ATG10: variants seen among roughly 807,000 people sequenced by gnomAD.
ATG10 encodes the protein autophagy related 10.
A neutral mutation model predicts 32.1 loss-of-function variants in ATG10; 30 were observed. That is an observed-to-expected ratio of 0.94 (90% CI 0.70 to 1.27). The LOEUF (loss-of-function observed/expected upper bound fraction) is 1.27. ATG10 is among the 50% of genes most tolerant of loss of function. ATG10 has a pLI of 0.00. For missense variants in ATG10, 233 were observed against 262.3 expected, an observed-to-expected ratio of 0.89 and a Z score of 0.77; for synonymous variants, 87 against 91.5, an observed-to-expected ratio of 0.95 and a Z score of 0.28.
intron 5 of ATG10, among the ~76,000 whole-genome samples, chr5:82,219,798 T>C (rs1034334469): frequency 2.6e-5 from 4 of 152,238 alleles, no homozygotes; most frequent in African/African-American, 7.2e-5. Context: ...TATGGACTTA[T>C]TAGAATCTGA....
At chr5:82,253,987 T>C (rs1247275425) in intron 7 of ATG10, 81 bp from the exon 8 acceptor site, 1 of 152,578 alleles carries the variant, frequency 6.6e-6, no homozygotes, top group Non-Finnish European at 1.5e-5. Flanking sequence ...AGTTTTATTT[T>C]AGTACTGATA....
chr5:82,250,929 A>C (rs1747232047), intron 5 of ATG10, among the ~76,000 whole-genome samples: 1 of 152,244 alleles, frequency 6.6e-6, no homozygotes, highest in African/African-American at 2.4e-5. Flanking sequence ...CCAACACATC[A>C]GGGCTTTGAG....
At chr5:82,171,493 G>T (rs967638167) in intron 4 of ATG10, among the ~76,000 whole-genome samples, 3 of 152,150 alleles carry the variant, frequency 2.0e-5, no homozygotes, top group Non-Finnish European at 4.4e-5. Flanking sequence ...GCAGGAAAAG[G>T]CTTATTGAAG....
intron 3 of ATG10, among the ~76,000 whole-genome samples, chr5:82,158,530 G>A (rs1767899548): frequency 6.6e-6 from 1 of 152,048 alleles, no homozygotes; most frequent in Admixed American, 6.6e-5. Flanking sequence ...TATTAAGTAT[G>A]ATAAGTAATA....
At chr5:82,210,219 G>T (rs1037166713) in intron 5 of ATG10, among the ~76,000 whole-genome samples, 1 of 152,162 alleles carries the variant, frequency 6.6e-6, no homozygotes, top group African/African-American at 2.4e-5. Flanking sequence ...AGAGCCAGAT[G>T]TTGTGCATAT....
intron 2 of ATG10, among the ~76,000 whole-genome samples, chr5:82,016,594 T>C (rs771779445): frequency 1.3e-5 from 2 of 152,178 alleles, no homozygotes; most frequent in African/African-American, 4.8e-5. Flanking sequence ...ATTTTAGGAT[T>C]GTTATTTTCC....
intron 5 of ATG10, among the ~76,000 whole-genome samples, chr5:82,230,089 ATCAGGTCACT>A (rs1277745112): frequency 6.6e-6 from 1 of 152,190 alleles, no homozygotes; most frequent in African/African-American, 2.4e-5. Flanking sequence ...GTTCTCTTGC[ATCAGGTCACT>A]AATTCCTGAA....
intron 3 of ATG10, among the ~76,000 whole-genome samples, chr5:82,110,128 C>A (rs1196231466): frequency 1.3e-5 from 2 of 152,118 alleles, no homozygotes; most frequent in Admixed American, 1.3e-4. Context: ...AGGACATGAA[C>A]TCATCCTTTT....
intron 3 of ATG10, among the ~76,000 whole-genome samples, chr5:82,159,822 A>T (rs1190421934): frequency 6.6e-6 from 1 of 152,184 alleles, no homozygotes; most frequent in Non-Finnish European, 1.5e-5. Context: ...ACAAGCCTCA[A>T]ATTGCCTCAC....
intron 2 of ATG10, among the ~76,000 whole-genome samples, chr5:82,014,875 G>A (rs1421985442): frequency 2.6e-5 from 4 of 152,182 alleles, no homozygotes; most frequent in Admixed American, 6.5e-5. Flanking sequence ...TCATTATGAT[G>A]TTAGCTGGTG....
intron 5 of ATG10, among the ~76,000 whole-genome samples, chr5:82,236,358 G>A (rs1031924152): frequency 6.6e-6 from 1 of 152,232 alleles, no homozygotes; most frequent in Non-Finnish European, 1.5e-5. Context: ...ACAACAAATT[G>A]ATAATTGAAT....
chr5:82,015,641 C>T (rs1324005857), intron 2 of ATG10, among the ~76,000 whole-genome samples: 1 of 152,178 alleles, frequency 6.6e-6, no homozygotes, highest in Non-Finnish European at 1.5e-5. Flanking sequence ...CTTGTGCATT[C>T]ATCATATAGT....
At chr5:82,139,851 C>T (rs1248281747) in intron 3 of ATG10, among the ~76,000 whole-genome samples, 4 of 125,918 alleles carry the variant, frequency 3.2e-5, no homozygotes, top group Non-Finnish European at 6.8e-5. Context: ...GGGGGGTCAG[C>T]CCCCCCACCC....
chr5:82,052,916 A>G (rs1054326034), intron 2 of ATG10, among the ~76,000 whole-genome samples: 3 of 152,202 alleles, frequency 2.0e-5, no homozygotes, highest in Non-Finnish European at 4.4e-5. Flanking sequence ...CCAACCTTAT[A>G]CTATTAAAAT....
At chr5:82,211,100 A>T (rs1429435368) in intron 5 of ATG10, among the ~76,000 whole-genome samples, 1 of 152,180 alleles carries the variant, frequency 6.6e-6, no homozygotes, top group Admixed American at 6.5e-5. Context: ...CATCATAAAG[A>T]AAACTTCTGG....
At chr5:82,091,762 T>G (rs1764894124) in intron 3 of ATG10, among the ~76,000 whole-genome samples, 1 of 152,176 alleles carries the variant, frequency 6.6e-6, no homozygotes, top group Non-Finnish European at 1.5e-5. Flanking sequence ...ATCTCATATT[T>G]GTAGATTGCA....
chr5:82,070,429 C>T (rs1013418856), intron 3 of ATG10, among the ~76,000 whole-genome samples: 2 of 152,042 alleles, frequency 1.3e-5, no homozygotes, highest in Non-Finnish European at 2.9e-5. Context: ...AAGCATTTCA[C>T]CCTCAGCCTT....
intron 1 of ATG10, among the ~76,000 whole-genome samples, chr5:81,974,447 G>C (rs1003189240): frequency 1.9e-4 from 29 of 152,290 alleles, no homozygotes; most frequent in African/African-American, 7.0e-4. Flanking sequence ...AGAGGGCTTA[G>C]TAATAGGAGT....
chr5:82,058,446 C>A (rs777169540), intron 2 of ATG10, 49 bp from the exon 3 acceptor site: 1 of 1,349,336 alleles, frequency 7.4e-7, no homozygotes, highest in South Asian at 1.2e-5. Context: ...ATGATGAATT[C>A]TTAAAATAAT....
Sources: allele counts gnomAD v4.1 joint callset (sites outside exome capture counted in the v4.1 genomes callset), GRCh38; gene constraint gnomAD v4.1.1; transcripts MANE v1.5; gene names NCBI Gene and HGNC (gene_info 2026-07-23, HGNC 2026-07-21).